TASP1: variants seen among roughly 807,000 people sequenced by gnomAD.
The protein encoded by TASP1 is threonine aspartase 1.
TASP1 carries 16 observed loss-of-function variants against 56.6 expected under a neutral mutation model. The observed-to-expected ratio is 0.28, with a 90% confidence interval of 0.19 to 0.43. TASP1 has a LOEUF of 0.43. Ranked by LOEUF, TASP1 falls within the 20% of genes least tolerant of loss-of-function variation. TASP1 has a pLI of 1.00. For synonymous variants in TASP1, 179 were observed against 184.2 expected, an observed-to-expected ratio of 0.97 and a Z score of 0.23; for missense variants, 393 against 511.6, an observed-to-expected ratio of 0.77 and a Z score of 2.24.
chr20:13,376,903 G>T, the TASP1 span, among the ~76,000 whole-genome samples: 1 of 152,210 alleles, frequency 6.6e-6, no homozygotes, highest in Non-Finnish European at 1.5e-5. Flanking sequence ...AGGAATGCTT[G>T]TGATTTTTGC....
At chr20:13,382,343 C>CT in the TASP1 span, among the ~76,000 whole-genome samples, 1 of 152,178 alleles carries the variant, frequency 6.6e-6, no homozygotes, top group Admixed American at 6.5e-5. Flanking sequence ...CATCCCCAAA[C>CT]TATCTTCTAA....
intron 10 of TASP1, among the ~76,000 whole-genome samples, chr20:13,512,742 A>AT (rs1236071170): frequency 3.3e-5 from 5 of 152,164 alleles, no homozygotes; most frequent in African/African-American, 1.2e-4. Flanking sequence ...TAGGTCTAAC[A>AT]TTTAAGTCTT....
At chr20:13,506,771 T>C (rs1197952613) in intron 10 of TASP1, among the ~76,000 whole-genome samples, 1 of 152,010 alleles carries the variant, frequency 6.6e-6, no homozygotes, top group Non-Finnish European at 1.5e-5. Context: ...TCAACTTCAA[T>C]GGTCAAAAGT....
intron 10 of TASP1, among the ~76,000 whole-genome samples, chr20:13,511,290 C>G (rs1250493916): frequency 6.6e-6 from 1 of 151,856 alleles, no homozygotes; most frequent in Non-Finnish European, 1.5e-5. Flanking sequence ...AGAAAGAAGC[C>G]AACAATGAAG....
the TASP1 span, among the ~76,000 whole-genome samples, chr20:13,276,201 T>G: frequency 6.6e-6 from 1 of 152,280 alleles, no homozygotes; most frequent in Non-Finnish European, 1.5e-5. Flanking sequence ...ACCTGCCCAC[T>G]CCCACCAGTT....
intron 11 of TASP1, among the ~76,000 whole-genome samples, chr20:13,445,691 T>C (rs1342851515): frequency 6.6e-6 from 1 of 152,150 alleles, no homozygotes; most frequent in Non-Finnish European, 1.5e-5. Context: ...TCTACTACCC[T>C]GCCAACCCCT....
At chr20:13,126,696 G>A in the TASP1 span, 1 of 1,613,912 alleles carries the variant, frequency 6.2e-7, no homozygotes, top group Non-Finnish European at 8.5e-7. Context: ...ACTTATCATG[G>A]GACTGGATGG....
intron 4 of TASP1, among the ~76,000 whole-genome samples, chr20:13,609,528 A>G (rs962687173): frequency 1.6e-4 from 25 of 152,052 alleles, no homozygotes; most frequent in Non-Finnish European, 2.5e-4. Context: ...TACTAAAAAT[A>G]TTTTTAAAAA....
At chr20:13,375,669 A>G in the TASP1 span, among the ~76,000 whole-genome samples, 1 of 152,218 alleles carries the variant, frequency 6.6e-6, no homozygotes, top group Admixed American at 6.5e-5. Flanking sequence ...ACTGTATTCC[A>G]CAATGTTTGA....
chr20:13,147,493 A>G, the TASP1 span, among the ~76,000 whole-genome samples: 1 of 152,076 alleles, frequency 6.6e-6, no homozygotes, highest in African/African-American at 2.4e-5. Context: ...ACTTTACTCC[A>G]AGGTCTCTCC....
intron 4 of TASP1, among the ~76,000 whole-genome samples, chr20:13,598,957 G>A (rs1292463881): frequency 1.3e-5 from 2 of 152,176 alleles, no homozygotes; most frequent in Non-Finnish European, 1.5e-5. Flanking sequence ...TCAGAGAAAT[G>A]AAAATCAAAA....
chr20:13,469,478 T>G (rs2146409508), intron 11 of TASP1, among the ~76,000 whole-genome samples: 1 of 152,318 alleles, frequency 6.6e-6, no homozygotes, highest in East Asian at 1.9e-4. Flanking sequence ...TAAGTCCATC[T>G]TATTAGTCTG....
intron 12 of TASP1, among the ~76,000 whole-genome samples, chr20:13,423,513 G>A (rs1354777507): frequency 1.3e-5 from 2 of 152,078 alleles, no homozygotes; most frequent in Non-Finnish European, 2.9e-5. Context: ...TAGTCTACAA[G>A]ATAGCTTGGC....
At chr20:13,148,235 G>A in the TASP1 span, among the ~76,000 whole-genome samples, 3 of 151,954 alleles carry the variant, frequency 2.0e-5, no homozygotes, top group Non-Finnish European at 4.4e-5. Flanking sequence ...TGTTTTATTT[G>A]TTTTTCTTCC....
chr20:13,279,580 T>C, the TASP1 span: 3 of 1,547,932 alleles, frequency 1.9e-6, no homozygotes, highest in Non-Finnish European at 2.6e-6. Flanking sequence ...AAGGGTCATG[T>C]AGCTTGGAGG....
At chr20:13,584,602 C>G (rs1223601303) in intron 5 of TASP1, among the ~76,000 whole-genome samples, 1 of 152,176 alleles carries the variant, frequency 6.6e-6, no homozygotes, top group Non-Finnish European at 1.5e-5. Flanking sequence ...ACACAGAGCA[C>G]TGTACTCAAC....
chr20:13,495,166 G>A (rs1403506866), intron 10 of TASP1, among the ~76,000 whole-genome samples: 1 of 152,022 alleles, frequency 6.6e-6, no homozygotes, highest in Non-Finnish European at 1.5e-5. Context: ...TTTTCTTAAT[G>A]ACTTAAAATT....
the TASP1 span, among the ~76,000 whole-genome samples, chr20:13,143,974 T>C: frequency 6.6e-6 from 1 of 152,202 alleles, no homozygotes; most frequent in African/African-American, 2.4e-5. Context: ...CTATACACTA[T>C]GAGCTTTGTC....
chr20:13,579,489 C>T (rs2047041213), intron 6 of TASP1, among the ~76,000 whole-genome samples: 1 of 152,074 alleles, frequency 6.6e-6, no homozygotes, highest in Admixed American at 6.5e-5. Context: ...CTGCCTCAAC[C>T]TCTAGCTGGG....
Sources: gnomAD v4.1 joint callset for allele counts (sites outside exome capture counted in the v4.1 genomes callset) on GRCh38, gnomAD v4.1.1 for gene constraint, MANE v1.5 for transcripts, NCBI Gene and HGNC (gene_info 2026-07-23, HGNC 2026-07-21) for gene names.